Variants in KIAA0232 observed in about 807,000 individuals in gnomAD.
The protein encoded by KIAA0232 is KIAA0232.
A neutral mutation model predicts 122.0 loss-of-function variants in KIAA0232; 27 were observed. The ratio of observed to expected loss-of-function variants is 0.22; its 90% CI spans 0.16 to 0.31. KIAA0232 has a LOEUF of 0.31. KIAA0232 is among the 10% of genes least tolerant of loss of function. The probability of loss-of-function intolerance (pLI) is 1.00; values close to 1 mark genes in which losing one functional copy is unlikely to be tolerated. For synonymous variants in KIAA0232, 613 were observed against 587.6 expected, an observed-to-expected ratio of 1.04 and a Z score of -0.63; for missense variants, 1,551 against 1,634.2, an observed-to-expected ratio of 0.95 and a Z score of 0.88.
intron 3 of KIAA0232, among the ~76,000 whole-genome samples, chr4:6,828,455 A>T (rs544103431): frequency 2.0e-5 from 3 of 152,336 alleles, no homozygotes; most frequent in African/African-American, 7.2e-5. Flanking sequence ...GGGAGCTCTC[A>T]TGTTTTCTTC....
chr4:6,862,749 A>G lies in KIAA0232; in HGVS notation c.2367A>G (p.Glu789=). 6.2e-7 allele frequency: 1 copy of G among 1,612,958 alleles called. No homozygotes were observed. The highest frequency in any genetic ancestry group is 8.5e-7 in the Non-Finnish European group (1 of 1,179,758). Residue 789 remains glutamate, a synonymous_variant, in exon 7 of 10, where the codon GAA becomes GAG. Coordinates refer to ENST00000307659, the MANE Select transcript of KIAA0232 (RefSeq NM_014743.3). ...TTTTCAAAAAAACATCTAAACTAGA[A>G]TCCGTCTGTGGTATTCAGCTAGAAC... The part of the protein sequence containing the change: ...TLVFKKTSKL[E]SVCGIQLEQK...
intron 3 of KIAA0232, 36 bp downstream of exon 3, chr4:6,824,720 T>G: frequency 6.5e-7 from 1 of 1,547,286 alleles, no homozygotes; most frequent in Non-Finnish European, 8.9e-7. Flanking sequence ...TGAAAACTGA[T>G]TGTATCTGTA....
chr4:6,845,316 A>G (rs2108749840), intron 4 of KIAA0232, among the ~76,000 whole-genome samples: 1 of 152,304 alleles, frequency 6.6e-6, no homozygotes, highest in East Asian at 1.9e-4. Context: ...AAAACTTGGC[A>G]GAGAAAACTT....
intron 1 of KIAA0232, among the ~76,000 whole-genome samples, chr4:6,800,144 A>G (rs1281629613): frequency 8.6e-6 from 1 of 116,410 alleles, no homozygotes; most frequent in Non-Finnish European, 1.7e-5. Flanking sequence ...TGCAACCTCC[A>G]TCTCCCGGGT....
At chr4:6,785,050 G>A (rs1228529545) in intron 1 of KIAA0232, among the ~76,000 whole-genome samples, 2 of 150,954 alleles carry the variant, frequency 1.3e-5, no homozygotes, top group Non-Finnish European at 2.9e-5. Flanking sequence ...CGAGTCTCCT[G>A]CCTCAACCTC....
intron 3 of KIAA0232, among the ~76,000 whole-genome samples, chr4:6,834,970 G>A (rs566883282): frequency 5.3e-4 from 80 of 152,226 alleles, no homozygotes; most frequent in African/African-American, 1.8e-3. Flanking sequence ...ACAACAACAC[G>A]ATCATATGAC....
chr4:6,802,798 T>C (rs2108930915), intron 1 of KIAA0232, among the ~76,000 whole-genome samples: 1 of 152,070 alleles, frequency 6.6e-6, no homozygotes, highest in East Asian at 1.9e-4. Flanking sequence ...ATGAAATTAA[T>C]TGGTGTGAGG....
intron 2 of KIAA0232, among the ~76,000 whole-genome samples, chr4:6,820,723 ATGT>A (rs968185709): frequency 6.6e-6 from 1 of 152,218 alleles, no homozygotes; most frequent in African/African-American, 2.4e-5. Context: ...AATAAGACAA[ATGT>A]TGTTATTTCT....
chr4:6,859,253 G>GT (rs1720732162), intron 6 of KIAA0232, among the ~76,000 whole-genome samples: 1 of 151,248 alleles, frequency 6.6e-6, no homozygotes, highest in South Asian at 2.1e-4. Context: ...TTATTTTTTT[G>GT]TTCGTAAATA....
At chr4:6,807,144 C>A (rs765684355) in intron 2 of KIAA0232, among the ~76,000 whole-genome samples, 3 of 152,138 alleles carry the variant, frequency 2.0e-5, no homozygotes, top group Non-Finnish European at 2.9e-5. Context: ...AAGTGTTGTT[C>A]CTGCCTCAGC....
At chr4:6,872,603 G>C (rs975844372) in intron 8 of KIAA0232, among the ~76,000 whole-genome samples, 2 of 152,232 alleles carry the variant, frequency 1.3e-5, no homozygotes, top group Non-Finnish European at 2.9e-5. Flanking sequence ...AGTTCAGCTT[G>C]TCCAGATTGT....
intron 2 of KIAA0232, among the ~76,000 whole-genome samples, chr4:6,816,705 GAAT>G (rs1017545357): frequency 2.0e-5 from 3 of 152,140 alleles, no homozygotes; most frequent in Non-Finnish European, 4.4e-5. Flanking sequence ...ATATTTGGTA[GAAT>G]TCACCTTTGA....
chr4:6,826,846 T>C (rs956062531), intron 3 of KIAA0232, among the ~76,000 whole-genome samples: 1 of 152,162 alleles, frequency 6.6e-6, no homozygotes, highest in Admixed American at 6.5e-5. Flanking sequence ...ACAGGACATA[T>C]AGGATAAAAC....
intron 2 of KIAA0232, among the ~76,000 whole-genome samples, chr4:6,815,171 A>C (rs1209381501): frequency 1.3e-5 from 2 of 152,134 alleles, no homozygotes; most frequent in African/African-American, 4.8e-5. Flanking sequence ...GCAGATAGAC[A>C]GTTTGAAATT....
chr4:6,872,598 A>G (rs1721551197), intron 8 of KIAA0232, among the ~76,000 whole-genome samples: 2 of 152,250 alleles, frequency 1.3e-5, no homozygotes, highest in Admixed American at 1.3e-4. Context: ...CAAGAAGTTC[A>G]GCTTGTCCAG....
At chr4:6,866,970 C>T (rs1474378535) in intron 7 of KIAA0232, among the ~76,000 whole-genome samples, 3 of 152,180 alleles carry the variant, frequency 2.0e-5, no homozygotes, top group Admixed American at 6.5e-5. Context: ...TCCTCCCCAG[C>T]GGCAACCACT....
rs543963602 is a variant in KIAA0232 at position 6,816,921 on chromosome 4, A to G, written c.-269-7264A>G. 4.3e-4 allele frequency among the ~76,000 whole-genome samples: 65 copies of G among 152,270 alleles called. 2 individuals are homozygous for G. The South Asian group carries it at 0.011, about 26-fold the overall frequency. ...ATGCCTTATTCTCATTTTTATACCT[A>G]TAGAATCTGTAGTGATCTCACCTCT... On this transcript the variant is annotated intron_variant, in intron 2 of 9. Transcript: ENST00000307659.
At chr4:6,871,481 T>C (rs1721479551) in intron 7 of KIAA0232, 93 bp from the exon 8 acceptor site, 1 of 723,974 alleles carries the variant, frequency 1.4e-6, no homozygotes, top group Non-Finnish European at 2.4e-6. Flanking sequence ...TTAAAAGTTC[T>C]GGGTTTATAA....
chr4:6,807,032 G>GTCCA (rs1553829877), intron 2 of KIAA0232, among the ~76,000 whole-genome samples: 3 of 145,748 alleles, frequency 2.1e-5, no homozygotes, highest in Admixed American at 7.0e-5. Flanking sequence ...CTGTCTGTCT[G>GTCCA]TCTATCTATC....
Sources: allele counts gnomAD v4.1 joint callset (sites outside exome capture counted in the v4.1 genomes callset), GRCh38; gene constraint gnomAD v4.1.1; transcripts MANE v1.5; gene names NCBI Gene and HGNC (gene_info 2026-07-23, HGNC 2026-07-21).